The following BLM variants were observed in gnomAD, a reference collection of about 807,000 sequenced individuals.
BLM encodes BLM RecQ like helicase.
Under a neutral mutation model 135.3 loss-of-function variants are expected in BLM, and 95 were observed. That is an observed-to-expected ratio of 0.70 (90% CI 0.59 to 0.83). BLM has a LOEUF of 0.83. BLM is among the 40% of genes least tolerant of loss of function. The pLI is 0.00. For missense variants in BLM, 1,518 were observed against 1,663.9 expected, an observed-to-expected ratio of 0.91 and a Z score of 1.53; for synonymous variants, 520 against 589.2, an observed-to-expected ratio of 0.88 and a Z score of 1.70.
At chr15:90,767,997 G>A (rs768306922) in intron 10 of BLM, among the ~76,000 whole-genome samples, 2 of 151,270 alleles carry the variant, frequency 1.3e-5, no homozygotes, top group Non-Finnish European at 2.9e-5. Context: ...ACCCAGGTGG[G>A]AGTGCTCGGC....
chr15:90,732,855 G>T (rs1008428386), intron 1 of BLM, among the ~76,000 whole-genome samples: 2 of 152,140 alleles, frequency 1.3e-5, no homozygotes, highest in African/African-American at 4.8e-5. Context: ...CAGCACTTTG[G>T]GAGGCCGAAG....
chr15:90,790,656 G>A lies in BLM; in HGVS notation c.2831G>A (p.Cys944Tyr). The A allele has an allele frequency of 6.2e-7, 1 of 1,614,070 alleles. No homozygotes were observed. The highest frequency in any genetic ancestry group is 8.5e-7 in the Non-Finnish European group (1 of 1,179,954). The change falls in exon 15 of 22, where the codon TGT becomes TAT. Residue 944 changes from cysteine (C) to tyrosine (Y), a missense_variant. Cys to Tyr is a radical substitution (Grantham distance 194, BLOSUM62 -2). This residue lies in a region of BLM where 626 missense variants were observed against 681.1 expected (regional missense o/e 0.92). Coordinates refer to ENST00000355112, the MANE Select transcript of BLM (RefSeq NM_000057.4). The part of the protein sequence containing the change: ...WINQDGCQVI[C>Y]ATIAFGMGID... ...CTTTTGCTTTTATATCAGGTTATCT[G>A]TGCTACAATTGCATTTGGAATGGGG...
chr15:90,814,391 G>A (rs1481910673), intron 21 of BLM, among the ~76,000 whole-genome samples: 1 of 152,206 alleles, frequency 6.6e-6, no homozygotes, highest in Non-Finnish European at 1.5e-5. Context: ...TTATCTTAAG[G>A]TCTGCAAGGA....
In BLM at chr15:90,803,605, A is replaced by C. The variant is rs1897215421; in HGVS notation, c.3443A>C (p.Lys1148Thr). 3.7e-6 allele frequency: 6 copies of C among 1,614,074 alleles called. No individual in the cohort carries two copies. Among genetic ancestry groups the C allele is most frequent in the Non-Finnish European group, 5.1e-6 (6 of 1,179,912 alleles). The stretch of plus-strand genomic sequence containing the variant: ...CACAATGCCGAAAGACTTTTTAAAA[A>C]GCTGATACTTGACAAGATTTTGGAT... ...SRHNAERLFKKLILDKILDED... is the reference protein window; with the variant it reads ...SRHNAERLFKTLILDKILDED... The change falls in exon 18 of 22, where the codon AAG becomes ACG. Residue 1148 changes from lysine (K) to threonine (T), a missense_variant. This residue lies in a region of BLM where 626 missense variants were observed against 681.1 expected (regional missense o/e 0.92). Coordinates refer to ENST00000355112, the MANE Select transcript of BLM (RefSeq NM_000057.4).
At chr15:90,781,731 A>G (rs1010702437) in intron 12 of BLM, among the ~76,000 whole-genome samples, 3 of 152,224 alleles carry the variant, frequency 2.0e-5, no homozygotes, top group Non-Finnish European at 4.4e-5. Flanking sequence ...GTGTTGGACC[A>G]CATTCAAAAC....
Position 90,729,884 on chromosome 15 carries a change from C to T in BLM, c.-5+12444C>T, listed in dbSNP as rs145518794. On this transcript the variant is annotated intron_variant, in intron 1 of 21. Coordinates refer to ENST00000355112, the MANE Select transcript of BLM (RefSeq NM_000057.4). ...TTTTTGAGACGAAGTCTCGCTCTAT[C>T]GCCCAGGCTGGAGTGCAGTGGCGTG... is the stretch of plus-strand genomic sequence containing the variant. Among the ~76,000 whole-genome samples, 39 of 152,278 alleles carry T rather than the reference C, an allele frequency of 2.6e-4. No homozygotes were observed. In the East Asian group the frequency reaches 6.7e-3, roughly 26 times the overall value.
chr15:90,782,986 A>C (rs1896656522), intron 13 of BLM, 58 bp downstream of exon 13: 2 of 1,317,086 alleles, frequency 1.5e-6, no homozygotes, highest in South Asian at 2.4e-5. Context: ...TTAGTACCAC[A>C]ATAAGATATA....
At chr15:90,779,683 T>C (rs1168722064) in intron 12 of BLM, among the ~76,000 whole-genome samples, 8 of 152,210 alleles carry the variant, frequency 5.3e-5, no homozygotes, top group African/African-American at 1.9e-4. Context: ...GGGTAATGCA[T>C]TCTGTGATTA....
chr15:90,804,120 C>T (rs751332759), intron 18 of BLM, 47 bp from the exon 19 acceptor site: 1 of 1,522,756 alleles, frequency 6.6e-7, no homozygotes, highest in Non-Finnish European at 9.1e-7. Flanking sequence ...TGTATGGGTA[C>T]AAGTGCACAT....
intron 1 of BLM, among the ~76,000 whole-genome samples, chr15:90,738,141 T>G (rs1483710041): frequency 6.6e-6 from 1 of 150,414 alleles, no homozygotes; most frequent in Non-Finnish European, 1.5e-5. Context: ...CTATAACTAG[T>G]AAGGAGATTG....
chr15:90,796,677 C>T (rs113619914), intron 16 of BLM, among the ~76,000 whole-genome samples: 1,575 of 152,220 alleles, frequency 0.01, 21 homozygotes, highest in African/African-American at 0.035. Context: ...ACAGTCCATT[C>T]GAGCTTTGTG....
chr15:90,784,333 T>C (rs1471330869), intron 13 of BLM, among the ~76,000 whole-genome samples: 2 of 130,258 alleles, frequency 1.5e-5, no homozygotes, highest in Non-Finnish European at 3.2e-5. Flanking sequence ...TTTTCTTTTT[T>C]TTTTTTTTTT....
chr15:90,738,997 TA>T (rs1895293599), intron 1 of BLM, among the ~76,000 whole-genome samples: 1 of 152,216 alleles, frequency 6.6e-6, no homozygotes, highest in South Asian at 2.1e-4. Flanking sequence ...CCCATGTTCA[TA>T]ACAGCATTAT....
chr15:90,734,593 A>G (rs901690622), intron 1 of BLM, among the ~76,000 whole-genome samples: 2 of 151,838 alleles, frequency 1.3e-5, no homozygotes, highest in African/African-American at 4.8e-5. Context: ...TGGCCAATCA[A>G]TACTTCTTAA....
At chr15:90,740,782 G>C (rs771278767) in intron 1 of BLM, among the ~76,000 whole-genome samples, 2 of 152,120 alleles carry the variant, frequency 1.3e-5, no homozygotes, top group Non-Finnish European at 2.9e-5. Flanking sequence ...AGAGCTGATG[G>C]TTTTATAAAA....
chr15:90,747,676 C>T (rs887706766), intron 2 of BLM, 186 bp downstream of exon 2: 6 of 576,226 alleles, frequency 1.0e-5, no homozygotes, highest in Non-Finnish European at 1.9e-5. Flanking sequence ...GATTGTGTCT[C>T]ATCTTTGCAT....
chr15:90,788,471 G>GTTTTTTTTTTTTTTTTTTTTTTTGTTTT (rs1896810834), intron 14 of BLM, among the ~76,000 whole-genome samples: 1 of 94,992 alleles, frequency 1.1e-5, no homozygotes, highest in Admixed American at 1.3e-4. Context: ...CCAGTGTTTT[G>GTTTTTTTTTTTTTTTTTTTTTTTGTTTT]TTTTTTTTTT....
chr15:90,729,717 A>T (rs1277067149), intron 1 of BLM, among the ~76,000 whole-genome samples: 1 of 152,244 alleles, frequency 6.6e-6, no homozygotes, highest in Non-Finnish European at 1.5e-5. Flanking sequence ...CACCTTTGTC[A>T]TGTAACCAAG....
chr15:90,768,872 A>C (rs1226004174), intron 10 of BLM, among the ~76,000 whole-genome samples: 1 of 152,076 alleles, frequency 6.6e-6, no homozygotes, highest in African/African-American at 2.4e-5. Flanking sequence ...GATTACAGGC[A>C]TGCACCACCA....
Sources: gnomAD v4.1 joint callset for allele counts (sites outside exome capture counted in the v4.1 genomes callset) on GRCh38, gnomAD v4.1.1 for gene constraint, gnomAD v4.1.1 regional missense constraint, MANE v1.5 for transcripts, NCBI Gene and HGNC (gene_info 2026-07-23, HGNC 2026-07-21) for gene names.